Variants in IDE observed in about 807,000 individuals in gnomAD.
IDE encodes insulin degrading enzyme.
In IDE, 58 loss-of-function variants were observed where a neutral mutation model predicts 133.2. The ratio of observed to expected loss-of-function variants is 0.44; its 90% CI spans 0.35 to 0.54. The LOEUF is 0.54. IDE is among the 20% of genes least tolerant of loss of function. The pLI is 0.00. For synonymous variants in IDE, 396 were observed against 421.3 expected (o/e 0.94, Z 0.73); for missense variants, 981 against 1,234.0 (o/e 0.79, Z 3.07).
intron 3 of IDE, 134 bp downstream of exon 3, chr10:92,534,444 A>C: frequency 1.6e-6 from 1 of 622,706 alleles, no homozygotes; most frequent in Non-Finnish European, 2.7e-6. Flanking sequence ...TTTCTTTTTC[A>C]GAAAACACAG....
chr10:92,515,261 CT>C (rs1220283000), intron 4 of IDE, among the ~76,000 whole-genome samples: 5,261 of 138,932 alleles, frequency 0.038, 82 homozygotes, highest in Non-Finnish European at 0.051. Flanking sequence ...TTAAAAGTGT[CT>C]TTTTTTTTTT....
At chr10:92,511,948 C>A (rs186242204) in intron 5 of IDE, among the ~76,000 whole-genome samples, 4 of 152,236 alleles carry the variant, frequency 2.6e-5, no homozygotes, top group Non-Finnish European at 4.4e-5. Flanking sequence ...TTTCCTCTTG[C>A]GTATTTCTAC....
chr10:92,454,344 A>G lies in IDE; in HGVS notation c.*100T>C, dbSNP rs1844879991. Reference sequence around the variant, plus strand: ...TGACAATTTTTTGTTTGTTTCTCTAATAGTGAATCAGAAACTATTAAAGTG... The same window carrying G: ...TGACAATTTTTTGTTTGTTTCTCTAGTAGTGAATCAGAAACTATTAAAGTG... On this transcript the variant is annotated 3_prime_UTR_variant, in exon 25 of 25. Transcript: ENST00000265986. The G allele has an allele frequency of 2.5e-6, 2 of 790,950 alleles. No homozygotes were observed. Among genetic ancestry groups the G allele is most frequent in the African/African-American group, 1.7e-5 (1 of 58,618 alleles). 49.0% of individuals were successfully genotyped at this position (790,950 alleles called of 1,614,324 possible). A position where few individuals can be genotyped will look rare whatever the true frequency, so the allele number is the denominator to read the frequency against.
chr10:92,511,081 T>A (rs1281908401), intron 5 of IDE, among the ~76,000 whole-genome samples: 1 of 130,086 alleles, frequency 7.7e-6, no homozygotes, highest in Non-Finnish European at 1.6e-5. Flanking sequence ...AAGAAAGCAG[T>A]GTTAAAAAAA....
chr10:92,554,864 A>C (rs1842937204), intron 1 of IDE: 1 of 152,230 alleles, frequency 6.6e-6, no homozygotes, highest in African/African-American at 2.4e-5. Context: ...TCAAAAAAAA[A>C]ACAAACAGAA....
chr10:92,504,966 G>C, intron 10 of IDE, 69 bp from the exon 11 acceptor site: 1 of 733,358 alleles, frequency 1.4e-6, no homozygotes, highest in South Asian at 1.8e-5. Context: ...AAGCAGATCT[G>C]TAACACATTA....
chr10:92,517,741 T>C (rs775990964), intron 4 of IDE, among the ~76,000 whole-genome samples: 4 of 152,030 alleles, frequency 2.6e-5, no homozygotes, highest in Non-Finnish European at 4.4e-5. Context: ...GGCAGGTGCA[T>C]CACTTGAGGC....
intron 12 of IDE, among the ~76,000 whole-genome samples, chr10:92,489,375 C>A (rs1663867479): frequency 6.6e-6 from 1 of 152,092 alleles, no homozygotes; most frequent in Admixed American, 6.6e-5. Context: ...CATGGTGAAA[C>A]CCTGTCTCTA....
At position 92,508,627 on chromosome 10, in the gene IDE, C is replaced by T. The variant is rs1049840854; in HGVS notation, c.1060+101G>A. ...CTCACTCACTAACCCAAAATGGTCA[C>T]ATCTAACAATGTTCCTTCATAGGAC... On this transcript the variant is annotated intron_variant, in intron 7 of 24. Transcript: ENST00000265986. The T allele has an allele frequency of 3.7e-6, 4 of 1,084,618 alleles. No individual in the cohort carries two copies. The East Asian group carries it at 9.6e-5, about 26-fold the overall frequency. The allele number at this position is 1,084,618 out of a possible 1,614,324, so 67.2% of individuals were successfully genotyped here.
Position 92,510,139 on chromosome 10 carries a change from G to A in IDE, c.808C>T (p.Leu270=), listed in dbSNP as rs1216390096. The part of the protein sequence containing the change: ...GRESLDDLTN[L]VVKLFSEVEN... ...ACTTCAGAAAATAACTTTACCACCA[G>A]ATTAGTCAAGTCATCTAAAGATTCT... Residue 270 remains leucine, a synonymous_variant, in exon 6 of 25, where the codon CTG becomes TTG. Transcript: ENST00000265986. 4 of 1,579,920 alleles carry A rather than the reference G, an allele frequency of 2.5e-6. No homozygotes were observed. In the East Asian group the frequency reaches 9.0e-5, roughly 35 times the overall value.
At chr10:92,536,569 G>A (rs1046977474) in intron 2 of IDE, among the ~76,000 whole-genome samples, 24 of 148,068 alleles carry the variant, frequency 1.6e-4, no homozygotes, top group African/African-American at 5.0e-4. Context: ...GTGGTGGCAC[G>A]CGCCTGTAAT....
intron 1 of IDE, among the ~76,000 whole-genome samples, chr10:92,538,123 C>T (rs181163570): frequency 6.6e-6 from 1 of 152,290 alleles, no homozygotes; most frequent in Admixed American, 6.5e-5. Flanking sequence ...GTCTGTCCAC[C>T]TCAGCCTCCC....
In IDE at chr10:92,537,477, G is replaced by C. The variant is rs1445075843; in HGVS notation, c.172C>G (p.Pro58Ala). The change falls in exon 2 of 25, where the codon CCT becomes GCT. Residue 58 changes from proline (P) to alanine (A), a missense_variant. Pro to Ala is a conservative substitution (Grantham distance 27, BLOSUM62 -1). Transcript: ENST00000265986. ...CCTCGATATTCTCGCTTGTCTTCAG[G>C]AGACTTGGTAATGTGATTTCCTATT... ...KRIGNHITKS[P>A]EDKREYRGLE... is the part of the protein sequence containing the mutation. 6.2e-7 allele frequency: 1 copy of C among 1,613,904 alleles called. No homozygotes were observed. The highest frequency in any genetic ancestry group is 2.2e-5 in the East Asian group (1 of 44,870).
At chr10:92,571,106 G>A (rs998704175) in intron 1 of IDE, among the ~76,000 whole-genome samples, 4 of 151,514 alleles carry the variant, frequency 2.6e-5, no homozygotes, top group African/African-American at 9.7e-5. Flanking sequence ...CAGCCTCCCG[G>A]GTTCAAGCGA....
chr10:92,488,314 C>T (rs150384142), intron 12 of IDE, among the ~76,000 whole-genome samples: 25 of 152,190 alleles, frequency 1.6e-4, no homozygotes, highest in South Asian at 4.1e-4. Context: ...GTATTGCCCA[C>T]GCTGGTGTCA....
rs1844751066 is a variant in IDE, at chr10:92,451,750, A to T, written c.*2694T>A. On this transcript the variant is annotated 3_prime_UTR_variant, in exon 25 of 25. Transcript: ENST00000265986. ...TGAGGAACAAGCAGATTCCTCTTGAAATGCCTGCCTGAGCCAACTGGCCAC... is the reference window on the plus strand; with the variant it reads ...TGAGGAACAAGCAGATTCCTCTTGATATGCCTGCCTGAGCCAACTGGCCAC... 1 of 152,252 alleles carries T rather than the reference A, an allele frequency of 6.6e-6. No individual in the cohort carries two copies. Among genetic ancestry groups the T allele is most frequent in the Non-Finnish European group, 1.5e-5 (1 of 68,076 alleles). 9.4% of individuals were successfully genotyped at this position (152,252 alleles called of 1,614,324 possible).
At chr10:92,474,300 T>TCAAG (rs1440341293) in intron 17 of IDE, among the ~76,000 whole-genome samples, 19 of 152,226 alleles carry the variant, frequency 1.2e-4, no homozygotes, top group African/African-American at 4.1e-4. Context: ...ACTCCTGGGA[T>TCAAG]CAAGCGATCC....
intron 4 of IDE, among the ~76,000 whole-genome samples, chr10:92,527,420 C>T (rs1237883326): frequency 6.6e-6 from 1 of 152,008 alleles, no homozygotes; most frequent in Non-Finnish European, 1.5e-5. Context: ...CTTAGCTATT[C>T]TTGGCCTTTT....
rs71028827 is a variant in IDE, at chr10:92,552,857, C to CAAAAAAA, written c.99-15314_99-15308dup. Among the ~76,000 whole-genome samples the CAAAAAAA allele has an allele frequency of 3.2e-3, 156 of 49,382 alleles. 13 individuals carry two copies. The highest frequency in any genetic ancestry group is 0.017 in the Middle Eastern group (1 of 58). The allele number at this position is 49,382 out of a possible 152,430, so 32.4% of individuals were successfully genotyped here. On this transcript the variant is annotated intron_variant, in intron 1 of 24. Transcript: ENST00000265986. ...TGGGTGACAGAGTAAGACTCAGTCT[C>CAAAAAAA]AAAAAAAAAAAAAAAAAAAAATTAT...
Sources: allele counts gnomAD v4.1 joint callset (sites outside exome capture counted in the v4.1 genomes callset), GRCh38; gene constraint gnomAD v4.1.1; transcripts MANE v1.5; gene names NCBI Gene and HGNC (gene_info 2026-07-23, HGNC 2026-07-21).